The following CTDSPL2 variants were observed in gnomAD, a reference collection of about 807,000 sequenced individuals.
The protein encoded by CTDSPL2 is CTD small phosphatase like 2.
In CTDSPL2, 5 loss-of-function variants were observed where a neutral mutation model predicts 60.0. That is an observed-to-expected ratio of 0.08 (90% CI 0.04 to 0.18). The LOEUF (loss-of-function observed/expected upper bound fraction) is 0.18. Ranked by LOEUF, CTDSPL2 falls within the 10% of genes least tolerant of loss-of-function variation. The probability of loss-of-function intolerance (pLI) is 1.00; values close to 1 mark genes in which losing one functional copy is unlikely to be tolerated. For synonymous variants in CTDSPL2, 186 were observed against 189.3 expected (o/e 0.98, Z 0.14); for missense variants, 370 against 548.8 (o/e 0.67, Z 3.26).
At chr15:44,479,741 T>C (rs2080991519) in intron 2 of CTDSPL2, among the ~76,000 whole-genome samples, 1 of 152,124 alleles carries the variant, frequency 6.6e-6, no homozygotes, top group Non-Finnish European at 1.5e-5. Context: ...AATAGAAGAT[T>C]ATAATTTTTA....
chr15:44,471,299 A>G (rs751131625), intron 2 of CTDSPL2, among the ~76,000 whole-genome samples: 9 of 152,350 alleles, frequency 5.9e-5, no homozygotes, highest in Non-Finnish European at 7.3e-5. Context: ...ATTTGGATAA[A>G]TAAGATTGAT....
chr15:44,464,937 C>G (rs955625574), intron 2 of CTDSPL2, among the ~76,000 whole-genome samples: 1 of 152,050 alleles, frequency 6.6e-6, no homozygotes, highest in East Asian at 1.9e-4. Context: ...AACTCCTGAC[C>G]TTAAGTGATC....
chr15:44,516,129 G>T (rs1048195369), intron 10 of CTDSPL2, among the ~76,000 whole-genome samples: 12 of 151,706 alleles, frequency 7.9e-5, no homozygotes, highest in Admixed American at 6.6e-4. Context: ...ACCACACCTG[G>T]CTAATTTTTA....
At chr15:44,441,660 G>A (rs1206829269) in intron 1 of CTDSPL2, among the ~76,000 whole-genome samples, 1 of 152,116 alleles carries the variant, frequency 6.6e-6, no homozygotes, top group Non-Finnish European at 1.5e-5. Context: ...GGAAGGGGTT[G>A]TATTTTCTTG....
At chr15:44,429,713 A>G (rs961417496) in intron 1 of CTDSPL2, among the ~76,000 whole-genome samples, 2 of 152,106 alleles carry the variant, frequency 1.3e-5, no homozygotes, top group Non-Finnish European at 2.9e-5. Context: ...TAAAAATACA[A>G]AAATTAGCCG....
At chr15:44,478,452 C>CAA (rs61080056) in intron 2 of CTDSPL2, among the ~76,000 whole-genome samples, 18 of 38,018 alleles carry the variant, frequency 4.7e-4, no homozygotes, top group East Asian at 1.6e-3. Flanking sequence ...GACTCTGTCT[C>CAA]AAAAAAAAAA....
At position 44,444,159 on chromosome 15, in the gene CTDSPL2, G is replaced by A. The variant is rs570001267; in HGVS notation, c.-24-14832G>A. Among the ~76,000 whole-genome samples, 3 of 151,342 alleles carry A rather than the reference G, an allele frequency of 2.0e-5. No homozygotes were observed. The East Asian group carries it at 5.9e-4, about 30-fold the overall frequency. The stretch of plus-strand genomic sequence containing the variant: ...TCTGCCTCAGCCTCCCAAGTAGGTG[G>A]GATTATAGGTGTGAGCCATGGCACC... On this transcript the variant is annotated intron_variant, in intron 1 of 12. Transcript: ENST00000260327.
intron 2 of CTDSPL2, among the ~76,000 whole-genome samples, chr15:44,468,005 GTT>G (rs1380149724): frequency 6.6e-6 from 1 of 152,066 alleles, no homozygotes; most frequent in Non-Finnish European, 1.5e-5. Flanking sequence ...TTCTTCTGTA[GTT>G]TTGTCTTGAT....
rs2081896373 is a variant in CTDSPL2 at position 44,527,658 on chromosome 15, T to G, written c.*3484T>G. 2 of 151,618 alleles carry G rather than the reference T, an allele frequency of 1.3e-5. No homozygotes were observed. The allele number at this position is 151,618 out of a possible 1,614,324, so 9.4% of individuals were successfully genotyped here. On this transcript the variant is annotated 3_prime_UTR_variant, in exon 13 of 13. Coordinates refer to ENST00000260327, the MANE Select transcript of CTDSPL2 (RefSeq NM_016396.3). ...GACTTCTCTTTGTCTTCCTAGGTAT[T>G]TATTTGTTATCTTTTAATCTTGTGT...
rs757854633 is a variant in CTDSPL2, at chr15:44,458,991, T to G, written c.-24T>G. 6.7e-7 allele frequency: 1 copy of G among 1,492,434 alleles called. No individual in the cohort carries two copies. The highest frequency in any genetic ancestry group is 8.9e-7 in the Non-Finnish European group (1 of 1,119,580). The allele number at this position is 1,492,434 out of a possible 1,614,324, so 92.4% of individuals were successfully genotyped here. Reference sequence around the variant, plus strand: ...TACATTTATTATTTTTCTCTTTTAGTTTTACATGTGGCACCCATAAAAGAT... The same window carrying G: ...TACATTTATTATTTTTCTCTTTTAGGTTTACATGTGGCACCCATAAAAGAT... On this transcript the variant is annotated splice_region_variant and 5_prime_UTR_variant, in exon 2 of 13. Coordinates refer to ENST00000260327, the MANE Select transcript of CTDSPL2 (RefSeq NM_016396.3).
intron 8 of CTDSPL2, among the ~76,000 whole-genome samples, chr15:44,513,325 G>A (rs957453532): frequency 2.0e-5 from 3 of 151,784 alleles, no homozygotes; most frequent in African/African-American, 7.3e-5. Context: ...AAGTTAGCCG[G>A]TCGTGGTGAT....
intron 8 of CTDSPL2, among the ~76,000 whole-genome samples, chr15:44,512,002 CATAGTGAG>C (rs1263727009): frequency 4.6e-5 from 7 of 150,952 alleles, no homozygotes; most frequent in Non-Finnish European, 8.8e-5. Context: ...GCTTGGGCAA[CATAGTGAG>C]ATAGTGAGAG....
Position 44,498,875 on chromosome 15 carries a change from C to T in CTDSPL2, c.883-852C>T, listed in dbSNP as rs538819244. ...GATCATCTGGTGCTGAGTAAAATTA[C>T]ATGAAACGTAATTTGTGAGATACTA... On this transcript the variant is annotated intron_variant, in intron 7 of 12. Transcript: ENST00000260327. 3.9e-5 allele frequency among the ~76,000 whole-genome samples: 6 copies of T among 152,154 alleles called. No individual in the cohort carries two copies. In the East Asian group the frequency reaches 1.2e-3, roughly 29 times the overall value.
intron 1 of CTDSPL2, among the ~76,000 whole-genome samples, chr15:44,444,845 T>TG (rs2080174007): frequency 8.3e-6 from 1 of 120,260 alleles, no homozygotes; most frequent in African/African-American, 3.7e-5. Flanking sequence ...AGTTTTTTTT[T>TG]TTTTTTTTTT....
At chr15:44,451,588 C>T (rs758206829) in intron 1 of CTDSPL2, among the ~76,000 whole-genome samples, 10 of 152,262 alleles carry the variant, frequency 6.6e-5, no homozygotes, top group Non-Finnish European at 1.2e-4. Context: ...GTTTTCACTG[C>T]AGTTTTTCCC....
chr15:44,434,800 A>G (rs1181780642), intron 1 of CTDSPL2, among the ~76,000 whole-genome samples: 2 of 152,188 alleles, frequency 1.3e-5, no homozygotes, highest in African/African-American at 4.8e-5. Flanking sequence ...TTTTTTGTAT[A>G]GTTCTGTATT....
At chr15:44,460,898 T>G (rs1472176341) in intron 2 of CTDSPL2, among the ~76,000 whole-genome samples, 1 of 152,222 alleles carries the variant, frequency 6.6e-6, no homozygotes, top group Non-Finnish European at 1.5e-5. Flanking sequence ...CAGCCTCTGT[T>G]GATGGGAACC....
chr15:44,459,902 C>T (rs185715914), intron 2 of CTDSPL2, among the ~76,000 whole-genome samples: 1 of 152,120 alleles, frequency 6.6e-6, no homozygotes, highest in Non-Finnish European at 1.5e-5. Context: ...GAGAAAAGAA[C>T]ATAAAGAAAG....
At chr15:44,456,172 A>G (rs1278970259) in intron 1 of CTDSPL2, among the ~76,000 whole-genome samples, 3 of 152,108 alleles carry the variant, frequency 2.0e-5, no homozygotes, top group Non-Finnish European at 4.4e-5. Flanking sequence ...TTTTGCATCA[A>G]TGTTCATCAA....
Sources: gnomAD v4.1 joint callset for allele counts (sites outside exome capture counted in the v4.1 genomes callset) on GRCh38, gnomAD v4.1.1 for gene constraint, MANE v1.5 for transcripts, NCBI Gene and HGNC (gene_info 2026-07-23, HGNC 2026-07-21) for gene names.